Variants in CSMD1 observed in about 807,000 individuals in gnomAD.
CSMD1 encodes CUB and sushi domain-containing protein 1.
Under a neutral mutation model 417.5 loss-of-function variants are expected in CSMD1, and 213 were observed. The ratio of observed to expected loss-of-function variants is 0.51; its 90% confidence interval spans 0.46 to 0.57. The LOEUF (loss-of-function observed/expected upper bound fraction) is 0.57. Among genes scored for constraint, CSMD1 ranks in the 20% least tolerant of loss-of-function variants. The probability of loss-of-function intolerance (pLI) is 0.00; values close to 1 mark genes in which losing one functional copy is unlikely to be tolerated. For missense variants in CSMD1, 6,923 were observed against 4,529.7 expected, an observed-to-expected ratio of 1.53 and a Z score of -15.17; for synonymous variants, 2,862 against 1,736.8, an observed-to-expected ratio of 1.65 and a Z score of -16.11.
At chr8:4,818,666 G>T (rs1799346491) in intron 1 of CSMD1, among the ~76,000 whole-genome samples, 1 of 152,110 alleles carries the variant, frequency 6.6e-6, no homozygotes, top group Admixed American at 6.6e-5. Context: ...AAGGGCAAAG[G>T]TATGAATAAA....
At chr8:4,804,838 A>C (rs930240517) in intron 1 of CSMD1, among the ~76,000 whole-genome samples, 1 of 152,228 alleles carries the variant, frequency 6.6e-6, no homozygotes, top group Non-Finnish European at 1.5e-5. Flanking sequence ...ACTATTTAAC[A>C]AATACAGACA....
intron 8 of CSMD1, among the ~76,000 whole-genome samples, chr8:3,605,359 C>A (rs1014657877): frequency 1.3e-5 from 2 of 152,204 alleles, no homozygotes; most frequent in African/African-American, 4.8e-5. Context: ...AAGTGCAATT[C>A]TTTACATTTT....
intron 50 of CSMD1, among the ~76,000 whole-genome samples, chr8:3,035,610 C>G (rs1336511992): frequency 6.6e-6 from 1 of 152,148 alleles, no homozygotes; most frequent in East Asian, 1.9e-4. Flanking sequence ...ATACAGATAT[C>G]AAATGAATAA....
At chr8:3,698,201 A>G (rs988244347) in intron 7 of CSMD1, among the ~76,000 whole-genome samples, 1 of 152,202 alleles carries the variant, frequency 6.6e-6, no homozygotes, top group Non-Finnish European at 1.5e-5. Context: ...ACTTGAAAAG[A>G]TATTTTAGCT....
At chr8:4,925,627 A>G (rs62488177) in intron 1 of CSMD1, among the ~76,000 whole-genome samples, 1,939 of 151,222 alleles carry the variant, frequency 0.013, 23 homozygotes, top group African/African-American at 0.032. Flanking sequence ...GCTCACTGCA[A>G]GCTCTGCCTC....
intron 7 of CSMD1, among the ~76,000 whole-genome samples, chr8:3,677,835 C>G (rs1249454764): frequency 6.6e-6 from 1 of 152,086 alleles, no homozygotes; most frequent in Non-Finnish European, 1.5e-5. Flanking sequence ...ATTTCAATAA[C>G]ATTCTTTAAC....
At chr8:3,985,636 G>T (rs150335189) in intron 5 of CSMD1, among the ~76,000 whole-genome samples, 3 of 152,086 alleles carry the variant, frequency 2.0e-5, no homozygotes, top group Admixed American at 6.6e-5. Context: ...CGGCAGAACC[G>T]TTGCACTCAC....
At chr8:3,454,189 T>C (rs554825139) in intron 12 of CSMD1, among the ~76,000 whole-genome samples, 1 of 152,328 alleles carries the variant, frequency 6.6e-6, no homozygotes, top group South Asian at 2.1e-4. Flanking sequence ...ACCTCTTTAT[T>C]TTGAGCCTAT....
intron 5 of CSMD1, among the ~76,000 whole-genome samples, chr8:3,878,930 G>C (rs544827660): frequency 9.9e-5 from 15 of 152,138 alleles, no homozygotes; most frequent in Non-Finnish European, 1.9e-4. Flanking sequence ...GTACATGACA[G>C]AAAATAACTT....
intron 3 of CSMD1, among the ~76,000 whole-genome samples, chr8:4,214,949 G>A (rs549622279): frequency 6.6e-6 from 1 of 152,108 alleles, no homozygotes; most frequent in Non-Finnish European, 1.5e-5. Context: ...CACAAACGAA[G>A]CTCACTTCAC....
At chr8:3,525,049 C>T (rs905266939) in intron 10 of CSMD1, among the ~76,000 whole-genome samples, 9 of 152,096 alleles carry the variant, frequency 5.9e-5, no homozygotes, top group African/African-American at 1.7e-4. Flanking sequence ...GGTCCAACGC[C>T]GAATAAACTC....
intron 10 of CSMD1, among the ~76,000 whole-genome samples, chr8:3,544,629 C>T (rs373589940): frequency 2.7e-4 from 41 of 152,102 alleles, no homozygotes; most frequent in Non-Finnish European, 5.0e-4. Context: ...GCCCTGGGAA[C>T]GGACCGTCCA....
chr8:3,349,884 T>TATAC (rs58236285), intron 21 of CSMD1, among the ~76,000 whole-genome samples: 42,553 of 125,394 alleles, frequency 0.34, 6,929 homozygotes, highest in South Asian at 0.5. Context: ...TATATCTATA[T>TATAC]ATATATTTAT....
At position 4,864,678 on chromosome 8, in the gene CSMD1, T is replaced by C. The variant is rs534575970; in HGVS notation, c.85+129654A>G. ...GCAGATATTAATAGTTCTACTAACC[T>C]GGTTTAAATAAAGGTCTCTGCAGAA... On this transcript the variant is annotated intron_variant, in intron 1 of 69. Transcript: ENST00000635120. 3.2e-3 allele frequency among the ~76,000 whole-genome samples: 492 copies of C among 151,902 alleles called. 5 individuals are homozygous for C. Among genetic ancestry groups the C allele is most frequent in the Non-Finnish European group, 4.4e-3 (299 of 67,826 alleles).
At chr8:3,591,807 G>A (rs993746812) in intron 8 of CSMD1, among the ~76,000 whole-genome samples, 1 of 147,356 alleles carries the variant, frequency 6.8e-6, no homozygotes, top group East Asian at 1.9e-4. Flanking sequence ...ATGGAAAGAT[G>A]GATAGACAGT....
chr8:3,190,026 T>C lies in CSMD1; in HGVS notation c.5284A>G (p.Ile1762Val). 1 of 1,595,486 alleles carries C rather than the reference T, an allele frequency of 6.3e-7. No homozygotes were observed. The highest frequency in any genetic ancestry group is 8.5e-7 in the Non-Finnish European group (1 of 1,171,214). ...RIGSEFSAGS[I>V]VRFECNPGYL... is the part of the protein sequence containing the mutation. ...CCCGGGTTGCACTCGAATCGGACGA[T>C]GGAGCCGGCAGAAAACTCAGAACCA... The change falls in exon 34 of 70, where the codon ATC becomes GTC. Residue 1762 changes from isoleucine to valine, a missense_variant. Transcript: ENST00000635120.
chr8:3,746,820 C>T (rs142306685), intron 6 of CSMD1, among the ~76,000 whole-genome samples: 1 of 152,108 alleles, frequency 6.6e-6, no homozygotes, highest in East Asian at 1.9e-4. Context: ...AATAATCATG[C>T]CTGTTTTATC....
chr8:4,186,430 T>A (rs139172051), intron 3 of CSMD1, among the ~76,000 whole-genome samples: 671 of 152,202 alleles, frequency 4.4e-3, no homozygotes, highest in Non-Finnish European at 7.2e-3. Flanking sequence ...AGAGTAAGTT[T>A]ACAGAGCCCA....
At chr8:4,478,167 T>C (rs1480483448) in intron 2 of CSMD1, among the ~76,000 whole-genome samples, 1 of 152,196 alleles carries the variant, frequency 6.6e-6, no homozygotes, top group Non-Finnish European at 1.5e-5. Flanking sequence ...ATTTTCTTAC[T>C]TTCCTTCTTC....
Sources: gnomAD v4.1 joint callset for allele counts (sites outside exome capture counted in the v4.1 genomes callset) on GRCh38, gnomAD v4.1.1 for gene constraint, MANE v1.5 for transcripts, NCBI Gene and HGNC (gene_info 2026-07-23, HGNC 2026-07-21) for gene names.